Variants in MUC7 observed in about 807,000 individuals in gnomAD.
MUC7 encodes mucin-7.
In MUC7, 2 loss-of-function variants were observed where a neutral mutation model predicts 2.5. The ratio of observed to expected loss-of-function variants is 0.81; its 90% CI spans 0.33 to 2.55. The LOEUF is 2.55. MUC7 is among the 30% of genes most tolerant of loss of function. The probability of loss-of-function intolerance (pLI) is 0.11; values close to 1 mark genes in which losing one functional copy is unlikely to be tolerated. For missense variants in MUC7, 408 were observed against 455.6 expected (o/e 0.90, Z 0.95); for synonymous variants, 133 against 173.4 (o/e 0.77, Z 1.83).
At chr4:70,432,564 C>T (rs369748418) in intron 1 of MUC7, among the ~76,000 whole-genome samples, 14 of 152,106 alleles carry the variant, frequency 9.2e-5, no homozygotes, top group Non-Finnish European at 1.8e-4. Context: ...AATGTCTGTT[C>T]GTATCTTTTG....
At chr4:70,442,031 G>A (rs1425159103) in intron 1 of MUC7, among the ~76,000 whole-genome samples, 2 of 152,150 alleles carry the variant, frequency 1.3e-5, no homozygotes, top group African/African-American at 2.4e-5. Context: ...CAAGTCCTCA[G>A]GACAAAGAAA....
intron 2 of MUC7, among the ~76,000 whole-genome samples, chr4:70,475,288 AAAAAGAAAG>A (rs1238119037): frequency 6.6e-6 from 1 of 152,164 alleles, no homozygotes; most frequent in Non-Finnish European, 1.5e-5. Flanking sequence ...CAAAAGAAAA[AAAAAGAAAG>A]AAATGAACAA....
intron 1 of MUC7, among the ~76,000 whole-genome samples, chr4:70,454,271 C>G (rs1351786599): frequency 6.6e-6 from 1 of 152,194 alleles, no homozygotes; most frequent in African/African-American, 2.4e-5. Flanking sequence ...TATTTAGAAC[C>G]ACAGAGTACT....
chr4:70,481,969 T>G lies in MUC7; in HGVS notation c.*91T>G, dbSNP rs1423665570. The G allele has an allele frequency of 2.2e-6, 3 of 1,379,490 alleles. No homozygotes were observed. The allele number at this position is 1,379,490 out of a possible 1,614,324, so 85.5% of individuals were successfully genotyped here. ...CTTTCTTTTAGCACCAATCCCAACA[T>G]GAAATTATATTACTCAGATTTAAAG... On this transcript the variant is annotated 3_prime_UTR_variant, in exon 3 of 3. Coordinates refer to ENST00000304887, the MANE Select transcript of MUC7 (RefSeq NM_152291.3).
intron 1 of MUC7, among the ~76,000 whole-genome samples, chr4:70,458,426 CTTA>C (rs1180986837): frequency 6.6e-6 from 1 of 152,072 alleles, no homozygotes; most frequent in Non-Finnish European, 1.5e-5. Flanking sequence ...TGGGTGTTCA[CTTA>C]TTATGCTTTG....
intron 1 of MUC7, among the ~76,000 whole-genome samples, chr4:70,449,403 A>C (rs7674042): frequency 0.35 from 53,469 of 151,960 alleles, 10,089 homozygotes; most frequent in Admixed American, 0.44. Context: ...AAACCACTAG[A>C]TCTCATGAGA....
chr4:70,435,463 C>A lies in MUC7; in HGVS notation c.-93+4776C>A, dbSNP rs527352785. On this transcript the variant is annotated intron_variant, in intron 1 of 3. Transcript: ENST00000413702. ...TCGCTTTACCATTATGTAATGGCCT[C>A]CTTTGTCTCTTTTGATCTTTGTTGG... Among the ~76,000 whole-genome samples, 60 of 152,180 alleles carry A rather than the reference C, an allele frequency of 3.9e-4. No individual in the cohort carries two copies. In the East Asian group the frequency reaches 0.011, roughly 27 times the overall value.
chr4:70,437,792 C>A (rs1301206413), intron 1 of MUC7, among the ~76,000 whole-genome samples: 2 of 152,060 alleles, frequency 1.3e-5, no homozygotes, highest in East Asian at 3.9e-4. Context: ...CAGAAATCAC[C>A]ATCTTCTGCA....
At chr4:70,447,321 A>G (rs1480898770) in intron 1 of MUC7, among the ~76,000 whole-genome samples, 2 of 152,194 alleles carry the variant, frequency 1.3e-5, no homozygotes, top group East Asian at 3.8e-4. Context: ...GCCTGGCCCA[A>G]CACTTGACCT....
intron 1 of MUC7, among the ~76,000 whole-genome samples, chr4:70,460,093 C>T (rs1276465603): frequency 2.6e-5 from 4 of 151,454 alleles, no homozygotes; most frequent in Non-Finnish European, 5.9e-5. Context: ...GTCTCTGTCA[C>T]GAAAATAGAA....
intron 1 of MUC7, among the ~76,000 whole-genome samples, chr4:70,440,870 G>A (rs776733001): frequency 2.0e-5 from 3 of 152,040 alleles, no homozygotes; most frequent in Non-Finnish European, 4.4e-5. Flanking sequence ...AAAAAGACAT[G>A]CTCCCTCAAA....
intron 1 of MUC7, among the ~76,000 whole-genome samples, chr4:70,440,028 A>G (rs1309723627): frequency 6.6e-6 from 1 of 152,084 alleles, no homozygotes; most frequent in Non-Finnish European, 1.5e-5. Flanking sequence ...TCTTAGTCCT[A>G]ACATATATAA....
At chr4:70,451,410 A>T (rs1734277111) in intron 1 of MUC7, among the ~76,000 whole-genome samples, 1 of 152,198 alleles carries the variant, frequency 6.6e-6, no homozygotes, top group Non-Finnish European at 1.5e-5. Context: ...AGGTACTATG[A>T]GTGCTTGCCT....
intron 2 of MUC7, among the ~76,000 whole-genome samples, chr4:70,474,413 G>A (rs779562104): frequency 2.0e-5 from 3 of 151,966 alleles, no homozygotes; most frequent in East Asian, 1.9e-4. Context: ...CCAACTACTC[G>A]GAGGCTGAGG....
upstream of MUC7, among the ~76,000 whole-genome samples, chr4:70,469,112 A>G (rs1270286221): frequency 1.3e-5 from 2 of 152,182 alleles, no homozygotes; most frequent in African/African-American, 4.8e-5. Context: ...ACACATCTAC[A>G]ACCATCTGAT....
intron 1 of MUC7, among the ~76,000 whole-genome samples, chr4:70,438,651 T>G (rs141993670): frequency 0.071 from 10,764 of 151,960 alleles, 586 homozygotes; most frequent in East Asian, 0.21. Flanking sequence ...AGAGATGAGG[T>G]TTCACCATGT....
At chr4:70,445,025 C>T (rs1410011221) in intron 1 of MUC7, among the ~76,000 whole-genome samples, 4 of 152,176 alleles carry the variant, frequency 2.6e-5, no homozygotes, top group African/African-American at 9.7e-5. Context: ...GACAGAGACT[C>T]TGTCTAAAAA....
At chr4:70,451,408 T>A (rs1734277064) in intron 1 of MUC7, among the ~76,000 whole-genome samples, 1 of 152,230 alleles carries the variant, frequency 6.6e-6, no homozygotes, top group Non-Finnish European at 1.5e-5. Flanking sequence ...CAAGGTACTA[T>A]GAGTGCTTGC....
At position 70,481,228 on chromosome 4, in the gene MUC7, C is replaced by G; in HGVS notation, c.484C>G (p.Pro162Ala). Residue 162 changes from proline (P) to alanine (A), a missense_variant, in exon 3 of 3, where the codon CCA becomes GCA. This residue lies in a region of MUC7 where 225 missense variants were observed against 240.5 expected (regional missense o/e 0.94). Transcript: ENST00000304887. ...ATLAPVNSPA[P>A]QDTTAAPPTP... is the part of the protein sequence containing the mutation. ...ATTAGCACCAGTGAATTCCCCAGCT[C>G]CACAAGACACCACAGCTGCCCCACC... 6.2e-7 allele frequency: 1 copy of G among 1,614,182 alleles called. No individual in the cohort carries two copies. Among genetic ancestry groups the G allele is most frequent in the Non-Finnish European group, 8.5e-7 (1 of 1,180,022 alleles).
Sources: gnomAD v4.1 joint callset for allele counts (sites outside exome capture counted in the v4.1 genomes callset) on GRCh38, gnomAD v4.1.1 for gene constraint, gnomAD v4.1.1 regional missense constraint, MANE v1.5 for transcripts, NCBI Gene and HGNC (gene_info 2026-07-23, HGNC 2026-07-21) for gene names.